The following PDGFC variants were observed in gnomAD, a reference collection of about 807,000 sequenced individuals.
The protein encoded by PDGFC is platelet-derived growth factor C.
PDGFC carries 12 observed loss-of-function variants against 35.5 expected under a neutral mutation model. The observed-to-expected ratio is 0.34, with a 90% CI of 0.22 to 0.55. The LOEUF (loss-of-function observed/expected upper bound fraction) is 0.55, where lower values mean the gene tolerates loss of function less well. Ranked by LOEUF, PDGFC falls within the 20% of genes least tolerant of loss-of-function variation. The probability of loss-of-function intolerance (pLI) is 0.91; values close to 1 mark genes in which losing one functional copy is unlikely to be tolerated. For synonymous variants in PDGFC, 159 were observed against 148.8 expected (o/e 1.07, Z -0.50); for missense variants, 322 against 412.4 (o/e 0.78, Z 1.90).
At chr4:156,939,513 CA>C (rs1731758890) in intron 1 of PDGFC, among the ~76,000 whole-genome samples, 1 of 151,990 alleles carries the variant, frequency 6.6e-6, no homozygotes, top group Non-Finnish European at 1.5e-5. Flanking sequence ...TGAGTCTATA[CA>C]AATCTTATAT....
At chr4:156,912,713 G>A (rs765781343) in intron 1 of PDGFC, among the ~76,000 whole-genome samples, 9 of 151,606 alleles carry the variant, frequency 5.9e-5, no homozygotes, top group African/African-American at 9.7e-5. Flanking sequence ...GGGAGAAAAT[G>A]GGAACACAAG....
chr4:156,812,042 G>A (rs1046513305), intron 2 of PDGFC, among the ~76,000 whole-genome samples: 6 of 151,726 alleles, frequency 4.0e-5, no homozygotes, highest in Non-Finnish European at 8.8e-5. Flanking sequence ...ATGTATAAAC[G>A]CATATATGTT....
At chr4:156,830,613 T>C (rs1486912295) in intron 2 of PDGFC, among the ~76,000 whole-genome samples, 3 of 152,174 alleles carry the variant, frequency 2.0e-5, no homozygotes, top group Non-Finnish European at 2.9e-5. Flanking sequence ...CCAGCAATAA[T>C]AGTCCTGTCA....
chr4:156,803,921 G>A (rs753878227), intron 3 of PDGFC, among the ~76,000 whole-genome samples: 10 of 152,016 alleles, frequency 6.6e-5, no homozygotes, highest in Non-Finnish European at 1.3e-4. Flanking sequence ...AACAGAAAAG[G>A]CAGCAGAGGA....
At chr4:156,875,220 G>A (rs1730084246) in intron 1 of PDGFC, among the ~76,000 whole-genome samples, 1 of 152,194 alleles carries the variant, frequency 6.6e-6, no homozygotes, top group Admixed American at 6.5e-5. Context: ...TCAACAGGGT[G>A]TATTCAGGGA....
At chr4:156,869,031 A>G (rs993375705) in intron 1 of PDGFC, among the ~76,000 whole-genome samples, 4 of 152,220 alleles carry the variant, frequency 2.6e-5, no homozygotes, top group Admixed American at 2.6e-4. Context: ...TTCTAATTTC[A>G]ATTAATGGAA....
At chr4:156,890,729 A>C (rs1459490554) in intron 1 of PDGFC, among the ~76,000 whole-genome samples, 2 of 152,216 alleles carry the variant, frequency 1.3e-5, no homozygotes, top group African/African-American at 4.8e-5. Flanking sequence ...TGCTGACTAA[A>C]ATGCTAATAT....
chr4:156,857,048 T>A (rs1729600253), intron 1 of PDGFC, among the ~76,000 whole-genome samples: 1 of 151,588 alleles, frequency 6.6e-6, no homozygotes, highest in African/African-American at 2.4e-5. Flanking sequence ...TAAAATCTGT[T>A]ATTTTAGGCA....
chr4:156,801,754 A>G (rs1364559998), intron 3 of PDGFC, among the ~76,000 whole-genome samples: 1 of 152,192 alleles, frequency 6.6e-6, no homozygotes, highest in African/African-American at 2.4e-5. Flanking sequence ...TTCTCTCCTG[A>G]AATTATTAAT....
chr4:156,806,279 A>G (rs1731768103), intron 3 of PDGFC, among the ~76,000 whole-genome samples: 1 of 152,068 alleles, frequency 6.6e-6, no homozygotes, highest in Non-Finnish European at 1.5e-5. Context: ...GGCAAAGAAA[A>G]AGAGGGTAAA....
chr4:156,967,681 T>C (rs913961966), intron 1 of PDGFC: 1 of 152,180 alleles, frequency 6.6e-6, no homozygotes, highest in Admixed American at 6.5e-5. Flanking sequence ...GGGTGTATGA[T>C]TCTTTCTGCT....
At chr4:156,916,459 T>A (rs527911871) in intron 1 of PDGFC, among the ~76,000 whole-genome samples, 1 of 152,226 alleles carries the variant, frequency 6.6e-6, no homozygotes, top group South Asian at 2.1e-4. Flanking sequence ...ACTCTATAAA[T>A]CCAGACCTTA....
chr4:156,770,611 T>G (rs1223427215), intron 4 of PDGFC: 1 of 152,092 alleles, frequency 6.6e-6, no homozygotes, highest in Non-Finnish European at 1.5e-5. Flanking sequence ...TAAAAGTTGG[T>G]CTTCAGATTT....
At chr4:156,814,036 A>C (rs1379812121) in intron 2 of PDGFC, among the ~76,000 whole-genome samples, 1 of 152,154 alleles carries the variant, frequency 6.6e-6, no homozygotes, top group Non-Finnish European at 1.5e-5. Context: ...CTTGGCCTTC[A>C]TAGCAACTGA....
chr4:156,768,970 G>A (rs1398185556), intron 4 of PDGFC, among the ~76,000 whole-genome samples: 1 of 151,814 alleles, frequency 6.6e-6, no homozygotes, highest in East Asian at 1.9e-4. Flanking sequence ...TTAGGATAAA[G>A]ACTTCTAATA....
intron 2 of PDGFC, among the ~76,000 whole-genome samples, chr4:156,849,400 A>G (rs1267195574): frequency 6.6e-5 from 10 of 152,262 alleles, no homozygotes; most frequent in Admixed American, 2.0e-4. Flanking sequence ...TCTGTAATAT[A>G]CCATGAGATG....
chr4:156,918,987 C>T (rs1017912158), intron 1 of PDGFC, among the ~76,000 whole-genome samples: 6 of 152,138 alleles, frequency 3.9e-5, no homozygotes, highest in African/African-American at 7.2e-5. Flanking sequence ...TTTTACAACA[C>T]GACTTACCAA....
chr4:156,832,661 T>C (rs572121168), intron 2 of PDGFC, among the ~76,000 whole-genome samples: 8 of 152,340 alleles, frequency 5.3e-5, no homozygotes, highest in Non-Finnish European at 8.8e-5. Context: ...TAGCAGTATA[T>C]GGTTGACCCC....
intron 1 of PDGFC, among the ~76,000 whole-genome samples, chr4:156,851,548 A>G (rs1262656476): frequency 1.3e-5 from 2 of 152,190 alleles, no homozygotes; most frequent in Non-Finnish European, 2.9e-5. Context: ...TTGAGAGTTA[A>G]TAATGAGACG....
Sources: allele counts gnomAD v4.1 joint callset (sites outside exome capture counted in the v4.1 genomes callset), GRCh38; gene constraint gnomAD v4.1.1; transcripts MANE v1.5; gene names NCBI Gene and HGNC (gene_info 2026-07-23, HGNC 2026-07-21).